Variants in SLC35F1 observed in about 807,000 individuals in gnomAD.
SLC35F1 encodes the protein solute carrier family 35 member F1.
In SLC35F1, 14 loss-of-function variants were observed where a neutral mutation model predicts 48.7. The ratio of observed to expected loss-of-function variants is 0.29; its 90% CI spans 0.19 to 0.45. SLC35F1 has a LOEUF of 0.45. Among genes scored for constraint, SLC35F1 ranks in the 20% least tolerant of loss-of-function variants. The pLI is 1.00. For synonymous variants in SLC35F1, 190 were observed against 202.2 expected, an observed-to-expected ratio of 0.94 and a Z score of 0.51; for missense variants, 404 against 500.0, an observed-to-expected ratio of 0.81 and a Z score of 1.83.
At chr6:118,236,160 G>A (rs951405662) in intron 3 of SLC35F1, among the ~76,000 whole-genome samples, 3 of 152,066 alleles carry the variant, frequency 2.0e-5, no homozygotes, top group African/African-American at 7.2e-5. Flanking sequence ...AAGGGACAAG[G>A]AGTCAATTCT....
At chr6:118,010,292 G>A (rs1190083978) in intron 1 of SLC35F1, among the ~76,000 whole-genome samples, 1 of 152,118 alleles carries the variant, frequency 6.6e-6, no homozygotes, top group African/African-American at 2.4e-5. Context: ...TAATTAGTTT[G>A]AATCATTACA....
intron 2 of SLC35F1, among the ~76,000 whole-genome samples, chr6:118,201,218 T>C (rs1246996590): frequency 6.6e-6 from 1 of 152,196 alleles, no homozygotes; most frequent in African/African-American, 2.4e-5. Context: ...GTGCCAAATT[T>C]GGCAGAAGTG....
chr6:118,069,275 CACTAAATTTTTATTTCAGGACAT>C (rs1244634903), intron 1 of SLC35F1, among the ~76,000 whole-genome samples: 1 of 152,030 alleles, frequency 6.6e-6, no homozygotes, highest in Admixed American at 6.6e-5. Context: ...ATGAAGGTAA[CACTAAATTTTTATTTCAGGACAT>C]ATCGAATCTA....
At chr6:118,049,524 A>G (rs1772353541) in intron 1 of SLC35F1, among the ~76,000 whole-genome samples, 1 of 151,944 alleles carries the variant, frequency 6.6e-6, no homozygotes. Flanking sequence ...ACAAGAAAAA[A>G]ACAAACAACC....
At chr6:118,028,248 G>T (rs532272708) in intron 1 of SLC35F1, among the ~76,000 whole-genome samples, 1 of 152,010 alleles carries the variant, frequency 6.6e-6, no homozygotes, top group African/African-American at 2.4e-5. Flanking sequence ...CTCTGTTTCC[G>T]CTTTCTCCTG....
At chr6:118,248,343 T>C (rs1365526006) in intron 3 of SLC35F1, among the ~76,000 whole-genome samples, 1 of 152,188 alleles carries the variant, frequency 6.6e-6, no homozygotes, top group East Asian at 1.9e-4. Flanking sequence ...AATATGTAAA[T>C]ATGTTACTTT....
chr6:118,302,047 C>A (rs1776259261), intron 7 of SLC35F1, among the ~76,000 whole-genome samples: 1 of 151,412 alleles, frequency 6.6e-6, no homozygotes, highest in East Asian at 1.9e-4. Flanking sequence ...TTATTTCTAC[C>A]CAGTTTTAAG....
chr6:117,946,436 T>A (rs187615464), intron 1 of SLC35F1, among the ~76,000 whole-genome samples: 1 of 152,354 alleles, frequency 6.6e-6, no homozygotes, highest in Non-Finnish European at 1.5e-5. Flanking sequence ...GATTGATGCA[T>A]CTGCTCACAG....
intron 2 of SLC35F1, among the ~76,000 whole-genome samples, chr6:118,176,832 T>A (rs574749204): frequency 6.6e-6 from 1 of 152,052 alleles, no homozygotes; most frequent in Non-Finnish European, 1.5e-5. Flanking sequence ...TCCTTTTTTT[T>A]CTTTCTAGTG....
chr6:117,988,493 G>A (rs182946610), intron 1 of SLC35F1, among the ~76,000 whole-genome samples: 12 of 152,306 alleles, frequency 7.9e-5, no homozygotes, highest in African/African-American at 2.9e-4. Flanking sequence ...GTATATTTGT[G>A]TTTATGCAGA....
At chr6:118,117,509 AT>A (rs1562295037) in intron 1 of SLC35F1, among the ~76,000 whole-genome samples, 1 of 152,210 alleles carries the variant, frequency 6.6e-6, no homozygotes, top group Non-Finnish European at 1.5e-5. Context: ...TGGGTCAATA[AT>A]TTGGAGCCAA....
intron 1 of SLC35F1, among the ~76,000 whole-genome samples, chr6:118,015,949 T>C (rs1349435062): frequency 2.0e-5 from 3 of 152,214 alleles, no homozygotes; most frequent in Non-Finnish European, 4.4e-5. Flanking sequence ...AATCCAGTTA[T>C]TTGCTAAATA....
chr6:118,101,735 T>G (rs543501329), intron 1 of SLC35F1, among the ~76,000 whole-genome samples: 251 of 152,178 alleles, frequency 1.6e-3, no homozygotes, highest in African/African-American at 5.8e-3. Context: ...AATAAAGGGG[T>G]GGGCTCGAAG....
intron 1 of SLC35F1, among the ~76,000 whole-genome samples, chr6:117,909,245 G>A (rs1055001787): frequency 1.3e-5 from 2 of 152,036 alleles, no homozygotes; most frequent in African/African-American, 2.4e-5. Context: ...GAAGACGCTG[G>A]CTCAGTACAT....
At chr6:117,929,808 G>A (rs1440918624) in intron 1 of SLC35F1, among the ~76,000 whole-genome samples, 1 of 152,080 alleles carries the variant, frequency 6.6e-6, no homozygotes, top group African/African-American at 2.4e-5. Context: ...ATATTTGACT[G>A]AACAGCTGGG....
At position 117,921,920 on chromosome 6, in the gene SLC35F1, T is replaced by C. The variant is rs73517530; in HGVS notation, c.173+14021T>C. Among the ~76,000 whole-genome samples the C allele has an allele frequency of 9.5e-3, 1,445 of 152,320 alleles. 24 individuals carry two copies. Among genetic ancestry groups the C allele is most frequent in the East Asian group, 0.03 (153 of 5,184 alleles). On this transcript the variant is annotated intron_variant, in intron 1 of 7. Transcript: ENST00000360388. ...ATGTAGGTAGAATAAACTGGTGTAC[T>C]GGACTTGCAGTTGGCTAGGCTGTGG...
chr6:117,925,950 A>T (rs1383519639), intron 1 of SLC35F1, among the ~76,000 whole-genome samples: 1 of 152,116 alleles, frequency 6.6e-6, no homozygotes, highest in Non-Finnish European at 1.5e-5. Flanking sequence ...TTTGATAAAC[A>T]TTTATTCTGA....
At position 117,924,505 on chromosome 6, in the gene SLC35F1, C is replaced by CATATATACATAT. The variant is rs1554216930; in HGVS notation, c.173+16606_173+16607insATATATACATAT. ...ATATACGTATATACATATGTATATA[C>CATATATACATAT]GTATATACATATATATATGTCAAGT... is the stretch of plus-strand genomic sequence containing the variant. On this transcript the variant is annotated intron_variant, in intron 1 of 7. Coordinates refer to ENST00000360388, the MANE Select transcript of SLC35F1 (RefSeq NM_001029858.4). Among the ~76,000 whole-genome samples the CATATATACATAT allele has an allele frequency of 7.6e-4, 13 of 17,034 alleles. 1 individual carries two copies. The highest frequency in any genetic ancestry group is 1.7e-3 in the Non-Finnish European group (10 of 5,770). The allele number at this position is 17,034 out of a possible 152,430, so 11.2% of individuals were successfully genotyped here.
chr6:118,190,972 T>A (rs1218193442), intron 2 of SLC35F1, among the ~76,000 whole-genome samples: 1 of 152,154 alleles, frequency 6.6e-6, no homozygotes, highest in Non-Finnish European at 1.5e-5. Context: ...GAATTTAAAG[T>A]CTGTTGTGTA....
Sources: allele counts gnomAD v4.1 joint callset (sites outside exome capture counted in the v4.1 genomes callset), GRCh38; gene constraint gnomAD v4.1.1; transcripts MANE v1.5; gene names NCBI Gene and HGNC (gene_info 2026-07-23, HGNC 2026-07-21).